TOX3: variants seen among roughly 807,000 people sequenced by gnomAD.
TOX3 encodes CAG trinucleotide repeat-containing gene F9 protein.
A neutral mutation model predicts 64.3 loss-of-function variants in TOX3; 22 were observed. The observed-to-expected ratio is 0.34, with a 90% CI of 0.24 to 0.49. The LOEUF (loss-of-function observed/expected upper bound fraction) is 0.49, where lower values mean the gene tolerates loss of function less well. Ranked by LOEUF, TOX3 falls within the 20% of genes least tolerant of loss-of-function variation. The probability of loss-of-function intolerance (pLI) is 0.99; values close to 1 mark genes in which losing one functional copy is unlikely to be tolerated. For missense variants in TOX3, 661 were observed against 714.4 expected (o/e 0.93, Z 0.85); for synonymous variants, 291 against 273.6 (o/e 1.06, Z -0.63).
intron 3 of TOX3, among the ~76,000 whole-genome samples, chr16:52,458,513 A>G (rs897649673): frequency 5.3e-5 from 8 of 152,222 alleles, no homozygotes; most frequent in Non-Finnish European, 1.0e-4. Context: ...AAGTACTACA[A>G]TACTTAACTG....
intron 3 of TOX3, among the ~76,000 whole-genome samples, chr16:52,461,275 C>G (rs978832964): frequency 2.0e-4 from 31 of 152,094 alleles, no homozygotes; most frequent in African/African-American, 7.0e-4. Context: ...TTAAAATACA[C>G]GTATTCACGA....
At chr16:52,543,157 A>G (rs1373184045) in intron 1 of TOX3, among the ~76,000 whole-genome samples, 1 of 152,234 alleles carries the variant, frequency 6.6e-6, no homozygotes, top group African/African-American at 2.4e-5. Flanking sequence ...TCACACCCAC[A>G]TTAAACACAG....
intron 2 of TOX3, among the ~76,000 whole-genome samples, chr16:52,464,397 T>A (rs958385121): frequency 1.3e-5 from 2 of 152,092 alleles, no homozygotes; most frequent in East Asian, 3.8e-4. Flanking sequence ...CATTATCATA[T>A]GGTTTTAATG....
Position 52,540,278 on chromosome 16 carries a change from C to A in TOX3, c.87+6359G>T, listed in dbSNP as rs552626762. 1.5e-4 allele frequency among the ~76,000 whole-genome samples: 22 copies of A among 150,354 alleles called. No individual in the cohort carries two copies. The South Asian group carries it at 4.8e-3, about 33-fold the overall frequency. On this transcript the variant is annotated intron_variant, in intron 1 of 6. Coordinates refer to ENST00000219746, the MANE Select transcript of TOX3 (RefSeq NM_001080430.4). ...ACACACACCTGTGGTCCCAGCTACT[C>A]AGGAGGCCTGAGTAGCTGGGACCAC...
At chr16:52,478,502 G>A (rs781014702) in intron 1 of TOX3, among the ~76,000 whole-genome samples, 9 of 152,184 alleles carry the variant, frequency 5.9e-5, no homozygotes, top group Non-Finnish European at 7.3e-5. Flanking sequence ...GAGATACAAA[G>A]TCACTCATCA....
At chr16:52,464,225 G>C in intron 2 of TOX3, 37 bp from the exon 3 acceptor site, 2 of 1,435,752 alleles carry the variant, frequency 1.4e-6, no homozygotes, top group Non-Finnish European at 1.8e-6. Context: ...TTCATATTCT[G>C]TTCCTATATC....
intron 1 of TOX3, among the ~76,000 whole-genome samples, chr16:52,506,396 A>G (rs1030192704): frequency 2.6e-5 from 4 of 152,230 alleles, no homozygotes; most frequent in Non-Finnish European, 5.9e-5. Context: ...CAAAGGTGAG[A>G]AATCAACACA....
At chr16:52,447,945 T>A (rs1304569529) in intron 4 of TOX3, among the ~76,000 whole-genome samples, 1 of 152,194 alleles carries the variant, frequency 6.6e-6, no homozygotes, top group Non-Finnish European at 1.5e-5. Flanking sequence ...TGCTATTACT[T>A]TCCAGAGTAG....
intron 5 of TOX3, 47 bp downstream of exon 5, chr16:52,445,947 A>G: frequency 1.3e-6 from 2 of 1,541,650 alleles, no homozygotes; most frequent in Non-Finnish European, 1.8e-6. Flanking sequence ...AATATTTTAA[A>G]TGATCATGAG....
chr16:52,481,885 CT>C (rs570586693), intron 1 of TOX3, among the ~76,000 whole-genome samples: 39 of 152,248 alleles, frequency 2.6e-4, no homozygotes, highest in African/African-American at 9.4e-4. Flanking sequence ...TATCTAAAAT[CT>C]TTTACTAGGA....
At chr16:52,485,049 A>G (rs1306426122) in intron 1 of TOX3, among the ~76,000 whole-genome samples, 1 of 141,424 alleles carries the variant, frequency 7.1e-6, no homozygotes, top group African/African-American at 2.7e-5. Context: ...ATATATATAT[A>G]TATACACACA....
intron 3 of TOX3, among the ~76,000 whole-genome samples, chr16:52,451,314 C>T (rs1960338083): frequency 6.6e-6 from 1 of 152,140 alleles, no homozygotes; most frequent in East Asian, 1.9e-4. Context: ...TGAATTTCTT[C>T]ATAAATACGT....
intron 6 of TOX3, among the ~76,000 whole-genome samples, chr16:52,440,532 C>T (rs932349109): frequency 5.3e-5 from 8 of 152,058 alleles, no homozygotes; most frequent in Middle Eastern, 3.2e-3. Flanking sequence ...AAAAGATAAC[C>T]GATACACATA....
rs751932770 is a variant in TOX3, at chr16:52,444,291, G to A, written c.972C>T (p.Ala324=). The A allele has an allele frequency of 6.9e-6, 11 of 1,583,784 alleles. No individual in the cohort carries two copies. Among genetic ancestry groups the A allele is most frequent in the Non-Finnish European group, 7.7e-6 (9 of 1,162,520 alleles). ...EYLKALAAYR[A]SLVSKAAAES... The stretch of plus-strand genomic sequence containing the variant: ...CCAGGTTTACCTTAGAAACGAGGCT[G>A]GCCCTGTATGCCGCCAGGGCCTTCA... Residue 324 remains alanine, a synonymous_variant, in exon 6 of 7, where the codon GCC becomes GCT. Transcript: ENST00000219746.
At chr16:52,470,850 A>C (rs1246780932) in intron 1 of TOX3, among the ~76,000 whole-genome samples, 1 of 152,206 alleles carries the variant, frequency 6.6e-6, no homozygotes, top group African/African-American at 2.4e-5. Flanking sequence ...TATCTATAGA[A>C]GGCCTTAATT....
chr16:52,466,946 G>A (rs1034808292), intron 2 of TOX3, among the ~76,000 whole-genome samples: 3 of 152,148 alleles, frequency 2.0e-5, no homozygotes, highest in Non-Finnish European at 4.4e-5. Context: ...AAGACACACT[G>A]ACTTTGGTAA....
At chr16:52,470,828 G>C (rs1961020396) in intron 1 of TOX3, among the ~76,000 whole-genome samples, 1 of 152,176 alleles carries the variant, frequency 6.6e-6, no homozygotes. Flanking sequence ...AGCACTCCTT[G>C]CATATCTTTT....
In TOX3 at chr16:52,539,619, A is replaced by T. The variant is rs545756162; in HGVS notation, c.87+7018T>A. ...TGTCTCCTTCCTCTTGAAGGACTCA[A>T]ATTCATTTCATTCATCTGCTTTACT... is the stretch of plus-strand genomic sequence containing the variant. On this transcript the variant is annotated intron_variant, in intron 1 of 6. Coordinates refer to ENST00000219746, the MANE Select transcript of TOX3 (RefSeq NM_001080430.4). 2.6e-5 allele frequency among the ~76,000 whole-genome samples: 4 copies of T among 152,260 alleles called. No individual in the cohort carries two copies. In the East Asian group the frequency reaches 7.7e-4, roughly 29 times the overall value.
At chr16:52,443,878 C>G (rs1214576057) in intron 6 of TOX3, among the ~76,000 whole-genome samples, 3 of 152,030 alleles carry the variant, frequency 2.0e-5, no homozygotes, top group African/African-American at 7.2e-5. Flanking sequence ...CAATGCCCCC[C>G]AATTGTAGTA....
Sources: gnomAD v4.1 joint callset for allele counts (sites outside exome capture counted in the v4.1 genomes callset) on GRCh38, gnomAD v4.1.1 for gene constraint, MANE v1.5 for transcripts, NCBI Gene and HGNC (gene_info 2026-07-23, HGNC 2026-07-21) for gene names.